The following SGPP1 variants were observed in gnomAD, a reference collection of about 807,000 sequenced individuals.
SGPP1 encodes hSPP1.
SGPP1 carries 21 observed loss-of-function variants against 33.0 expected under a neutral mutation model. The ratio of observed to expected loss-of-function variants is 0.64; its 90% CI spans 0.45 to 0.92. SGPP1 has a LOEUF of 0.92. SGPP1 is among the 40% of genes least tolerant of loss of function. The pLI, the probability that SGPP1 is intolerant of heterozygous loss-of-function variation, is 0.00. For missense variants in SGPP1, 543 were observed against 589.4 expected (o/e 0.92, Z 0.81); for synonymous variants, 239 against 241.2 (o/e 0.99, Z 0.08).
intron 2 of SGPP1, among the ~76,000 whole-genome samples, chr14:63,690,732 A>G (rs1047448543): frequency 4.6e-5 from 7 of 152,134 alleles, no homozygotes; most frequent in African/African-American, 1.7e-4. Context: ...TTTATATGAG[A>G]CTGAGTGTCA....
chr14:63,688,682 A>C (rs1858698900), intron 2 of SGPP1, among the ~76,000 whole-genome samples: 1 of 151,340 alleles, frequency 6.6e-6, no homozygotes, highest in African/African-American at 2.4e-5. Flanking sequence ...TTTTTCATGG[A>C]TACTAGAGGT....
At chr14:63,701,994 C>T (rs1297235640) in intron 1 of SGPP1, among the ~76,000 whole-genome samples, 1 of 149,344 alleles carries the variant, frequency 6.7e-6, no homozygotes, top group East Asian at 1.9e-4. Flanking sequence ...TCTGCACTTC[C>T]TTCTCTAACT....
chr14:63,717,149 C>T (rs1424209251), intron 1 of SGPP1, among the ~76,000 whole-genome samples: 1 of 150,944 alleles, frequency 6.6e-6, no homozygotes, highest in Non-Finnish European at 1.5e-5. Flanking sequence ...GATAAAATTA[C>T]CAGAAAATTA....
chr14:63,695,895 A>G (rs1220137868), intron 2 of SGPP1, among the ~76,000 whole-genome samples: 2 of 152,214 alleles, frequency 1.3e-5, no homozygotes, highest in Non-Finnish European at 1.5e-5. Flanking sequence ...TGGGTGACAG[A>G]GCAAGACCTT....
chr14:63,722,247 G>GCT, intron 1 of SGPP1, among the ~76,000 whole-genome samples: 1 of 151,906 alleles, frequency 6.6e-6, no homozygotes, highest in South Asian at 2.1e-4. Context: ...ATTAACAGCT[G>GCT]GGCGCAGTGG....
intron 2 of SGPP1, among the ~76,000 whole-genome samples, chr14:63,693,495 C>T (rs1885127681): frequency 6.6e-6 from 1 of 152,188 alleles, no homozygotes; most frequent in Non-Finnish European, 1.5e-5. Context: ...GAATTTATAT[C>T]AAGTCAGATG....
chr14:63,687,677 T>A (rs1595060142), intron 2 of SGPP1, among the ~76,000 whole-genome samples: 1 of 152,180 alleles, frequency 6.6e-6, no homozygotes, highest in East Asian at 1.9e-4. Flanking sequence ...AAGGCTTTTG[T>A]AGGCTAGGTA....
chr14:63,701,510 A>G (rs1885299246), intron 1 of SGPP1, among the ~76,000 whole-genome samples: 1 of 152,152 alleles, frequency 6.6e-6, no homozygotes, highest in African/African-American at 2.4e-5. Context: ...ATACTTGCCA[A>G]GCAGATTATC....
In SGPP1 at chr14:63,686,368, G is replaced by T. The variant is rs144006374; in HGVS notation, c.1063C>A (p.Pro355Thr). 6.2e-7 allele frequency: 1 copy of T among 1,614,110 alleles called. No homozygotes were observed. The highest frequency in any genetic ancestry group is 2.2e-5 in the East Asian group (1 of 44,884). ...CCAAACAGAGTCACAGTAATGGGGG[G>T]CCCAGCTAAAGGTAATGTATCTAGA... ...PSLDTLPLAG[P>T]PITVTLFGKA... Residue 355 changes from proline (P) to threonine (T), a missense_variant, in exon 3 of 3, where the codon CCC becomes ACC. Coordinates refer to ENST00000247225, the MANE Select transcript of SGPP1 (RefSeq NM_030791.4).
intron 1 of SGPP1, among the ~76,000 whole-genome samples, chr14:63,709,926 G>A (rs1050631802): frequency 3.3e-5 from 5 of 151,964 alleles, no homozygotes; most frequent in African/African-American, 1.2e-4. Context: ...GAATTATTTT[G>A]CATATTTTGG....
At chr14:63,718,888 T>C (rs1885686437) in intron 1 of SGPP1, among the ~76,000 whole-genome samples, 2 of 147,396 alleles carry the variant, frequency 1.4e-5, no homozygotes, top group Non-Finnish European at 3.0e-5. Context: ...TCAACTTTAC[T>C]GATAAGACTA....
In SGPP1 at chr14:63,727,610, G is replaced by A. The variant is rs779466728; in HGVS notation, c.335C>T (p.Ser112Leu). The change falls in exon 1 of 3, where the codon TCG becomes TTG. Residue 112 changes from serine to leucine, a missense_variant. Transcript: ENST00000247225. ...CAGCTGGCCCTCCTCGCCCGTCAGC[G>A]AGTTGCGGCGCAGAGCGCCCGCGCG... ...PRRAGALRRN[S>L]LTGEEGQLAR... The A allele has an allele frequency of 1.3e-6, 2 of 1,523,920 alleles. No individual in the cohort carries two copies. Among genetic ancestry groups the A allele is most frequent in the Admixed American group, 2.1e-5 (1 of 48,492 alleles). 94.4% of individuals were successfully genotyped at this position (1,523,920 alleles called of 1,614,324 possible).
chr14:63,689,802 A>G (rs577455243), intron 2 of SGPP1, among the ~76,000 whole-genome samples: 47 of 152,234 alleles, frequency 3.1e-4, no homozygotes, highest in South Asian at 1.0e-3. Flanking sequence ...GTCTCAAAAA[A>G]AAAAAAAAAA....
At chr14:63,694,472 C>A (rs918058873) in intron 2 of SGPP1, among the ~76,000 whole-genome samples, 1 of 151,782 alleles carries the variant, frequency 6.6e-6, no homozygotes, top group African/African-American at 2.4e-5. Flanking sequence ...CACACCTTGT[C>A]TGACCAGGAA....
At chr14:63,721,279 C>CA (rs1378735639) in intron 1 of SGPP1, among the ~76,000 whole-genome samples, 1 of 151,598 alleles carries the variant, frequency 6.6e-6, no homozygotes, top group Non-Finnish European at 1.5e-5. Flanking sequence ...GACGCCATCT[C>CA]AAAAAAAATA....
intron 1 of SGPP1, among the ~76,000 whole-genome samples, chr14:63,710,185 T>G (rs757983902): frequency 2.0e-5 from 3 of 152,190 alleles, no homozygotes; most frequent in Non-Finnish European, 4.4e-5. Context: ...TAATGAAAAC[T>G]GATACAACCT....
chr14:63,692,784 G>A (rs1192041849), intron 2 of SGPP1, among the ~76,000 whole-genome samples: 11 of 151,896 alleles, frequency 7.2e-5, no homozygotes, highest in African/African-American at 2.2e-4. Flanking sequence ...GATGTCTTCC[G>A]AGAAAACTCA....
intron 1 of SGPP1, among the ~76,000 whole-genome samples, chr14:63,718,475 A>G (rs942668781): frequency 2.0e-5 from 3 of 152,174 alleles, no homozygotes; most frequent in Admixed American, 6.6e-5. Context: ...TACCAGTTCC[A>G]AAACCATATT....
intron 2 of SGPP1, among the ~76,000 whole-genome samples, chr14:63,687,227 G>C (rs1884998459): frequency 6.6e-6 from 1 of 152,108 alleles, no homozygotes; most frequent in Non-Finnish European, 1.5e-5. Flanking sequence ...GTTCACTTGA[G>C]GCCAGGAGTT....
Sources: gnomAD v4.1 joint callset for allele counts (sites outside exome capture counted in the v4.1 genomes callset) on GRCh38, gnomAD v4.1.1 for gene constraint, MANE v1.5 for transcripts, NCBI Gene and HGNC (gene_info 2026-07-23, HGNC 2026-07-21) for gene names.